The following MAGOH variants were observed in gnomAD, a reference collection of about 807,000 sequenced individuals.
The protein encoded by MAGOH is protein mago nashi homolog.
In MAGOH, 3 loss-of-function variants were observed where a neutral mutation model predicts 20.9. The observed-to-expected ratio is 0.14, with a 90% CI of 0.07 to 0.37. MAGOH has a LOEUF of 0.37. Among genes scored for constraint, MAGOH ranks in the 10% least tolerant of loss-of-function variants. MAGOH has a pLI of 1.00. For missense variants in MAGOH, 66 were observed against 178.1 expected (o/e 0.37, Z 3.58); for synonymous variants, 51 against 61.0 (o/e 0.84, Z 0.76).
At chr1:53,231,506 T>A (rs967357719) in intron 3 of MAGOH, among the ~76,000 whole-genome samples, 6 of 152,234 alleles carry the variant, frequency 3.9e-5, no homozygotes, top group Non-Finnish European at 7.3e-5. Context: ...GGCCTAATTT[T>A]AAAAATATTC....
chr1:53,229,076 G>C, intron 3 of MAGOH, 122 bp from the exon 4 acceptor site: 1 of 670,070 alleles, frequency 1.5e-6, no homozygotes, highest in East Asian at 2.7e-5. Flanking sequence ...AACAAGGGCA[G>C]TTCACTCTGA....
Position 53,227,043 on chromosome 1 carries a change from G to T in MAGOH, c.*2C>A. The T allele has an allele frequency of 1.3e-5, 13 of 996,464 alleles. No individual in the cohort carries two copies. The highest frequency in any genetic ancestry group is 1.8e-5 in the Non-Finnish European group (12 of 679,378). 61.7% of individuals were successfully genotyped at this position (996,464 alleles called of 1,614,324 possible). A position where few individuals can be genotyped will look rare whatever the true frequency, so the allele number is the denominator to read the frequency against. ...CCCCCCATGTCCACACCAATATTCA[G>T]TCTAGATTGGTTTAATCTTGAAGTG... On this transcript the variant is annotated 3_prime_UTR_variant, in exon 5 of 5. Coordinates refer to ENST00000371470, the MANE Select transcript of MAGOH (RefSeq NM_002370.4).
intron 3 of MAGOH, 39 bp downstream of exon 3, chr1:53,233,503 G>A: frequency 6.9e-7 from 1 of 1,448,286 alleles, no homozygotes; most frequent in East Asian, 2.3e-5. Flanking sequence ...GGTCTTATTT[G>A]TAAGATTTCT....
At position 53,238,416 on chromosome 1, in the gene MAGOH, C is replaced by G. The variant is rs779093072; in HGVS notation, c.33G>C (p.Val11=). The change falls in exon 1 of 5, where the codon GTG becomes GTC. Residue 11 remains valine, a synonymous_variant. Transcript: ENST00000371470. MESDFYLRYY[V]GHKGKFGHEF... is the part of the protein sequence containing the mutation. ...CGTGGCCGAACTTGCCCTTGTGCCC[C>G]ACGTAGTAACGCAGATAAAAGTCAC... The G allele has an allele frequency of 3.7e-6, 6 of 1,614,130 alleles. No individual in the cohort carries two copies. The South Asian group carries it at 6.6e-5, about 18-fold the overall frequency.
intron 4 of MAGOH, among the ~76,000 whole-genome samples, 200 bp downstream of exon 4, chr1:53,228,656 AGCTCGCAGTAGCAATG>A (rs1207216891): frequency 6.6e-6 from 1 of 152,290 alleles, no homozygotes; most frequent in African/African-American, 2.4e-5. Context: ...GTCAACAAGA[AGCTCGCAGTAGCAATG>A]GCTGAATGAA....
chr1:53,238,517 C>T lies in MAGOH; in HGVS notation c.-69G>A. 7.0e-7 allele frequency: 1 copy of T among 1,427,138 alleles called. No individual in the cohort carries two copies. 88.4% of individuals were successfully genotyped at this position (1,427,138 alleles called of 1,614,324 possible). ...GCACTGCCGCCGTCTGCGCCCGACA[C>T]TGACGTTTGCGGCGGCGCGCGGAAG... On this transcript the variant is annotated 5_prime_UTR_variant, in exon 1 of 5. In the 5' UTR this introduces an upstream ATG that the reference lacks. Transcript: ENST00000371470.
intron 4 of MAGOH, among the ~76,000 whole-genome samples, chr1:53,228,470 T>C (rs1393408764): frequency 6.6e-6 from 1 of 151,970 alleles, no homozygotes; most frequent in Non-Finnish European, 1.5e-5. Flanking sequence ...AAAATAAAAC[T>C]TAGATCCTAA....
At chr1:53,235,335 A>C (rs1387167789) in intron 2 of MAGOH, among the ~76,000 whole-genome samples, 1 of 152,198 alleles carries the variant, frequency 6.6e-6, no homozygotes, top group Non-Finnish European at 1.5e-5. Flanking sequence ...TGGGGTAGTA[A>C]GCAGCAGACT....
intron 1 of MAGOH, among the ~76,000 whole-genome samples, chr1:53,235,967 G>A (rs189448219): frequency 6.6e-6 from 1 of 152,288 alleles, no homozygotes; most frequent in Non-Finnish European, 1.5e-5. Flanking sequence ...ATAACTTACC[G>A]ACACATAGGA....
At chr1:53,228,448 T>A (rs927933854) in intron 4 of MAGOH, among the ~76,000 whole-genome samples, 2 of 151,892 alleles carry the variant, frequency 1.3e-5, no homozygotes, top group Admixed American at 6.6e-5. Context: ...ATAATAATAA[T>A]AAATTTATAA....
intron 4 of MAGOH, among the ~76,000 whole-genome samples, chr1:53,227,459 C>T (rs1645566019): frequency 6.6e-6 from 1 of 152,148 alleles, no homozygotes; most frequent in African/African-American, 2.4e-5. Context: ...GGATGATTTT[C>T]CCCTTTCTAC....
chr1:53,234,160 C>T lies in MAGOH; in HGVS notation c.148-508G>A, dbSNP rs74086821. Among the ~76,000 whole-genome samples, 424 of 152,268 alleles carry T rather than the reference C, an allele frequency of 2.8e-3. 1 individual carries two copies. Among genetic ancestry groups the T allele is most frequent in the African/African-American group, 9.9e-3 (410 of 41,548 alleles). On this transcript the variant is annotated intron_variant, in intron 2 of 4. Transcript: ENST00000371470. ...GTTCTTTCACCATATGAGGACACAG[C>T]ATTCATTCCTTCTGGAGGATGCAAA... is the stretch of plus-strand genomic sequence containing the variant.
intron 4 of MAGOH, 90 bp from the exon 5 acceptor site, chr1:53,227,234 T>C (rs1371448047): frequency 1.8e-6 from 1 of 564,308 alleles, no homozygotes; most frequent in Non-Finnish European, 3.1e-6. Context: ...TAAAACGGTA[T>C]ATTATGAGGT....
At chr1:53,236,076 T>C (rs1325336595) in intron 1 of MAGOH, among the ~76,000 whole-genome samples, 1 of 152,262 alleles carries the variant, frequency 6.6e-6, no homozygotes, top group Non-Finnish European at 1.5e-5. Flanking sequence ...ATTTCTGTGA[T>C]GGAGAAGCTG....
intron 3 of MAGOH, among the ~76,000 whole-genome samples, chr1:53,231,979 A>G (rs1645588539): frequency 6.6e-6 from 1 of 152,214 alleles, no homozygotes; most frequent in Non-Finnish European, 1.5e-5. Flanking sequence ...CAAGTTCTTT[A>G]TAACTCTTCT....
chr1:53,234,300 T>C (rs1645600714), intron 2 of MAGOH, among the ~76,000 whole-genome samples: 1 of 152,076 alleles, frequency 6.6e-6, no homozygotes, highest in Admixed American at 6.5e-5. Context: ...TTTTTACTGC[T>C]TACAAATTAC....
At chr1:53,234,540 A>T (rs1439854300) in intron 2 of MAGOH, among the ~76,000 whole-genome samples, 2 of 151,598 alleles carry the variant, frequency 1.3e-5, no homozygotes, top group African/African-American at 2.4e-5. Flanking sequence ...TGCCTGGCTA[A>T]TTTTTTTGTA....
intron 4 of MAGOH, among the ~76,000 whole-genome samples, chr1:53,227,960 CAA>C (rs1203592826): frequency 6.6e-6 from 1 of 152,088 alleles, no homozygotes; most frequent in Non-Finnish European, 1.5e-5. Flanking sequence ...CAACATTTGC[CAA>C]AAGTGAGCCG....
At chr1:53,235,399 A>T (rs1369513594) in intron 2 of MAGOH, among the ~76,000 whole-genome samples, 178 bp downstream of exon 2, 2 of 152,212 alleles carry the variant, frequency 1.3e-5, no homozygotes, top group Non-Finnish European at 2.9e-5. Flanking sequence ...TCCACAATGT[A>T]AAATAAAAAA....
Sources: gnomAD v4.1 joint callset for allele counts (sites outside exome capture counted in the v4.1 genomes callset) on GRCh38, gnomAD v4.1.1 for gene constraint, MANE v1.5 for transcripts, NCBI Gene and HGNC (gene_info 2026-07-23, HGNC 2026-07-21) for gene names.